Variants in PCDH7 observed in about 807,000 individuals in gnomAD.
PCDH7 encodes protocadherin-7.
In PCDH7, 17 loss-of-function variants were observed where a neutral mutation model predicts 58.9. The ratio of observed to expected loss-of-function variants is 0.29; its 90% CI spans 0.20 to 0.43. The LOEUF is 0.43. Ranked by LOEUF, PCDH7 falls within the 20% of genes least tolerant of loss-of-function variation. The probability of loss-of-function intolerance (pLI) is 1.00; values close to 1 mark genes in which losing one functional copy is unlikely to be tolerated. For missense variants in PCDH7, 1,274 were observed against 1,441.0 expected (o/e 0.88, Z 1.88); for synonymous variants, 664 against 616.4 (o/e 1.08, Z -1.14).
chr4:31,110,889 T>A (rs1046491628), intron 3 of PCDH7, among the ~76,000 whole-genome samples: 33 of 150,592 alleles, frequency 2.2e-4, no homozygotes, highest in Admixed American at 5.3e-4. Context: ...CACTTCCGCC[T>A]GGATGACAGA....
In PCDH7 at chr4:30,720,418, T is replaced by C. The variant is rs1336112959; in HGVS notation, c.-1005T>C. ...CCACTGCTCCGACATGCGGGCCGAA[T>C]GCAGGTGAGAAAAGGCACGGACTCT... On this transcript the variant is annotated 5_prime_UTR_variant, in exon 1 of 2. It removes an upstream start codon present in the reference 5' UTR. Transcript: ENST00000361762. The surrounding 1 kb of genome is among the most constrained non-coding windows in gnomAD (Gnocchi z 4.7). 1 of 152,774 alleles carries C rather than the reference T, an allele frequency of 6.5e-6. No homozygotes were observed. The highest frequency in any genetic ancestry group is 1.5e-5 in the Non-Finnish European group (1 of 68,154). 9.5% of individuals were successfully genotyped at this position (152,774 alleles called of 1,614,324 possible).
intron 1 of PCDH7, among the ~76,000 whole-genome samples, chr4:30,858,218 T>G (rs1446943316): frequency 6.6e-6 from 1 of 152,168 alleles, no homozygotes; most frequent in Non-Finnish European, 1.5e-5. Flanking sequence ...CCCATTCTGA[T>G]ATACGTTGAA....
intron 1 of PCDH7, chr4:30,725,317 C>T (rs1310312112): frequency 1.0e-6 from 1 of 987,060 alleles, no homozygotes; most frequent in Non-Finnish European, 1.2e-6. Flanking sequence ...AACAAAAATA[C>T]ATTGCATGAG....
chr4:30,867,352 T>C (rs1038532396), intron 1 of PCDH7, among the ~76,000 whole-genome samples: 20 of 152,114 alleles, frequency 1.3e-4, no homozygotes, highest in African/African-American at 3.6e-4. Flanking sequence ...TTAAAGAATA[T>C]ACTCAAATCA....
chr4:30,907,030 A>C (rs1353772187), intron 1 of PCDH7, among the ~76,000 whole-genome samples: 1 of 152,144 alleles, frequency 6.6e-6, no homozygotes, highest in East Asian at 1.9e-4. Flanking sequence ...CTCAAAAATA[A>C]AATAAAATAA....
At chr4:30,771,483 G>A (rs566458486) in intron 1 of PCDH7, among the ~76,000 whole-genome samples, 56 of 152,292 alleles carry the variant, frequency 3.7e-4, no homozygotes, top group African/African-American at 1.3e-3. Context: ...ATAGGCACTC[G>A]TGGGGGCTGG....
At position 30,723,006 on chromosome 4, in the gene PCDH7, C is replaced by A. The variant is rs1304068620; in HGVS notation, c.1584C>A (p.Thr528=). 1.2e-6 allele frequency: 2 copies of A among 1,613,730 alleles called. No individual in the cohort carries two copies. The highest frequency in any genetic ancestry group is 2.7e-5 in the African/African-American group (2 of 74,916). Residue 528 remains threonine, a synonymous_variant, in exon 1 of 2, where the codon ACC becomes ACA. Coordinates refer to ENST00000361762, the Ensembl canonical transcript of PCDH7. This position sits in a 1 kb window ranked among gnomAD's most constrained non-coding sequence, Gnocchi z 4.6. Reference sequence around the variant, plus strand: ...CCCTGATTGTCAAGGTGGGAGACACCAACGACAACCCGCCCATGTTCGGCC... The same window carrying A: ...CCCTGATTGTCAAGGTGGGAGACACAAACGACAACCCGCCCATGTTCGGCC...
Position 31,059,222 on chromosome 4 carries a change from C to A in PCDH7, c.*8-83251C>A, listed in dbSNP as rs546359615. Among the ~76,000 whole-genome samples, 8 of 151,898 alleles carry A rather than the reference C, an allele frequency of 5.3e-5. No individual in the cohort carries two copies. The East Asian group carries it at 1.4e-3, about 26-fold the overall frequency. ...CTTGAAATGACAACCAATTTTGAAG[C>A]AAATCTTTATTCTGAGGAGAAATGT... On this transcript the variant is annotated intron_variant, in intron 3 of 3. Coordinates refer to the PCDH7 transcript ENST00000509759.
intron 3 of PCDH7, among the ~76,000 whole-genome samples, chr4:31,110,545 A>C (rs943043567): frequency 2.0e-5 from 3 of 152,204 alleles, no homozygotes; most frequent in Admixed American, 2.0e-4. Flanking sequence ...ATATACAAAA[A>C]CGTATTTTGT....
At chr4:30,813,802 C>T (rs750870687) in intron 1 of PCDH7, among the ~76,000 whole-genome samples, 5 of 152,112 alleles carry the variant, frequency 3.3e-5, no homozygotes, top group Admixed American at 6.6e-5. Flanking sequence ...CCACCACACC[C>T]GGCAAATTTT....
At chr4:31,015,319 A>G (rs1221644490) in intron 3 of PCDH7, among the ~76,000 whole-genome samples, 2 of 152,200 alleles carry the variant, frequency 1.3e-5, no homozygotes, top group African/African-American at 2.4e-5. Context: ...TGCCAAGTCC[A>G]TGACAGTTGT....
chr4:30,964,395 C>A (rs538461428), intron 3 of PCDH7, among the ~76,000 whole-genome samples: 1 of 151,854 alleles, frequency 6.6e-6, no homozygotes, highest in Non-Finnish European at 1.5e-5. Flanking sequence ...GCGTCCGCCA[C>A]CTCGCCCCAC....
intron 3 of PCDH7, among the ~76,000 whole-genome samples, chr4:31,139,407 A>G (rs946011683): frequency 1.3e-5 from 2 of 152,236 alleles, no homozygotes; most frequent in African/African-American, 2.4e-5. Flanking sequence ...GCATAAAATA[A>G]TGTTCTTAGA....
intron 3 of PCDH7, among the ~76,000 whole-genome samples, chr4:31,016,447 G>A (rs1028639457): frequency 6.7e-6 from 1 of 149,212 alleles, no homozygotes. Flanking sequence ...TTAGACAGGA[G>A]AGGGGGAAAG....
At chr4:30,936,245 A>G (rs1040005547) in intron 2 of PCDH7, among the ~76,000 whole-genome samples, 2 of 152,060 alleles carry the variant, frequency 1.3e-5, no homozygotes, top group African/African-American at 4.8e-5. Flanking sequence ...GCAAGGTAAT[A>G]TCGACATTTT....
At chr4:31,136,425 C>T (rs1368585799) in intron 3 of PCDH7, among the ~76,000 whole-genome samples, 2 of 152,166 alleles carry the variant, frequency 1.3e-5, no homozygotes, top group African/African-American at 4.8e-5. Context: ...CTCTAAATCT[C>T]CTGCTCTTTT....
At chr4:31,133,061 T>C (rs957230871) in intron 3 of PCDH7, among the ~76,000 whole-genome samples, 3 of 152,222 alleles carry the variant, frequency 2.0e-5, no homozygotes, top group African/African-American at 7.2e-5. Flanking sequence ...TTTTAAATCT[T>C]TGTGTCACTG....
intron 1 of PCDH7, among the ~76,000 whole-genome samples, chr4:30,899,520 T>A (rs1037389483): frequency 1.3e-5 from 2 of 152,174 alleles, no homozygotes; most frequent in Admixed American, 1.3e-4. Flanking sequence ...ATATACTATA[T>A]CATCTGCTGC....
chr4:31,090,642 G>A (rs527583989), intron 3 of PCDH7, among the ~76,000 whole-genome samples: 22 of 151,942 alleles, frequency 1.4e-4, no homozygotes, highest in African/African-American at 3.9e-4. Context: ...TCACTAATTC[G>A]GATATATAAT....
Sources: gnomAD v4.1 joint callset for allele counts (sites outside exome capture counted in the v4.1 genomes callset) on GRCh38, gnomAD v4.1.1 for gene constraint, Gnocchi (gnomAD v3.1) non-coding constraint, MANE v1.5 for transcripts, NCBI Gene and HGNC (gene_info 2026-07-23, HGNC 2026-07-21) for gene names.